The following KCNMB2 variants were observed in gnomAD, a reference collection of about 807,000 sequenced individuals.
KCNMB2 encodes calcium-activated potassium channel subunit beta-2.
A neutral mutation model predicts 24.5 loss-of-function variants in KCNMB2; 9 were observed. That is an observed-to-expected ratio of 0.37 (90% confidence interval 0.22 to 0.64). KCNMB2 has a LOEUF of 0.64. KCNMB2 is among the 30% of genes least tolerant of loss of function. The probability of loss-of-function intolerance (pLI) is 0.63; values close to 1 mark genes in which losing one functional copy is unlikely to be tolerated. For missense variants in KCNMB2, 226 were observed against 284.3 expected (o/e 0.79, Z 1.47); for synonymous variants, 109 against 104.4 (o/e 1.04, Z -0.27).
intron 1 of KCNMB2, among the ~76,000 whole-genome samples, chr3:178,732,196 T>C (rs940995988): frequency 2.0e-5 from 3 of 152,218 alleles, no homozygotes; most frequent in African/African-American, 7.2e-5. Context: ...TTATTAAAAT[T>C]TTTGTAAAAT....
intron 1 of KCNMB2, among the ~76,000 whole-genome samples, chr3:178,783,294 T>C (rs894208943): frequency 1.3e-5 from 2 of 149,248 alleles, no homozygotes; most frequent in African/African-American, 4.9e-5. Flanking sequence ...TGGTTCCATA[T>C]GAACTTTAAA....
chr3:178,799,822 AAG>A (rs1713707404), intron 1 of KCNMB2, among the ~76,000 whole-genome samples: 2 of 152,162 alleles, frequency 1.3e-5, no homozygotes, highest in Admixed American at 6.5e-5. Context: ...CTGGAAGAAA[AAG>A]AGACAAATAC....
At chr3:178,539,925 A>G (rs1486496045) in intron 1 of KCNMB2, among the ~76,000 whole-genome samples, 1 of 152,162 alleles carries the variant, frequency 6.6e-6, no homozygotes, top group African/African-American at 2.4e-5. Flanking sequence ...GAGTTCAATC[A>G]AGTGTCAAGC....
chr3:178,628,073 T>A (rs528186881), intron 1 of KCNMB2, among the ~76,000 whole-genome samples: 6 of 152,236 alleles, frequency 3.9e-5, no homozygotes, highest in African/African-American at 1.4e-4. Flanking sequence ...TTTTGCTTCA[T>A]ATTTTTAACA....
intron 1 of KCNMB2, among the ~76,000 whole-genome samples, chr3:178,614,287 A>ATATATATG (rs1718616392): frequency 5.4e-5 from 4 of 74,508 alleles, no homozygotes; most frequent in African/African-American, 1.8e-4. Context: ...ATATATATAT[A>ATATATATG]TATATATATG....
At chr3:178,820,704 T>C (rs1714590165) in intron 2 of KCNMB2, 1 of 152,652 alleles carries the variant, frequency 6.6e-6, no homozygotes. Context: ...AAAATTTTAC[T>C]AGGTTGACTA....
chr3:178,763,353 G>C (rs1217729405), intron 1 of KCNMB2, among the ~76,000 whole-genome samples: 1 of 152,074 alleles, frequency 6.6e-6, no homozygotes, highest in Non-Finnish European at 1.5e-5. Context: ...CAAAGATTGG[G>C]GTTCAGTCAG....
At chr3:178,785,889 A>T (rs1713082083) in intron 1 of KCNMB2, among the ~76,000 whole-genome samples, 1 of 152,168 alleles carries the variant, frequency 6.6e-6, no homozygotes, top group South Asian at 2.1e-4. Flanking sequence ...CTATTATTTT[A>T]ATTAATCTTC....
chr3:178,616,989 A>G (rs542129724), intron 1 of KCNMB2, among the ~76,000 whole-genome samples: 9 of 152,280 alleles, frequency 5.9e-5, no homozygotes, highest in Admixed American at 1.3e-4. Context: ...ACATCCATCT[A>G]TCTCACTGGG....
At chr3:178,634,822 G>A (rs950044696) in intron 1 of KCNMB2, among the ~76,000 whole-genome samples, 3 of 152,118 alleles carry the variant, frequency 2.0e-5, no homozygotes, top group Admixed American at 1.3e-4. Flanking sequence ...GACCCTGAAG[G>A]CCTCTATAAC....
chr3:178,685,555 T>C (rs1208018868), intron 1 of KCNMB2, among the ~76,000 whole-genome samples: 2 of 152,166 alleles, frequency 1.3e-5, no homozygotes, highest in African/African-American at 2.4e-5. Flanking sequence ...ACATCAACAG[T>C]GGTTCTGTTT....
At chr3:178,821,837 GTC>G (rs1347911446) in intron 2 of KCNMB2, among the ~76,000 whole-genome samples, 2 of 152,014 alleles carry the variant, frequency 1.3e-5, no homozygotes, top group Admixed American at 1.3e-4. Flanking sequence ...CTGAAGTTCT[GTC>G]TCATAGATAT....
In KCNMB2 at chr3:178,842,751, C is replaced by A. The variant is rs373420986; in HGVS notation, c.522C>A (p.Cys174Ter). ...ENFRKYQHFSCYSDPEGNQKS... is the reference protein window; with the variant it reads ...ENFRKYQHFS Reference sequence around the variant, plus strand: ...TCAGGAAGTATCAACACTTCTCCTGCTATTCTGACCCAGAAGGAAACCAGA... The same window carrying A: ...TCAGGAAGTATCAACACTTCTCCTGATATTCTGACCCAGAAGGAAACCAGA... The change falls in exon 5 of 5, where the codon TGC (cysteine) becomes TGA (stop). Residue 174 changes from cysteine to a stop codon, truncating the protein, a stop_gained. Transcript: ENST00000452583. LOFTEE classifies it high-confidence loss of function. 1 of 1,613,230 alleles carries A rather than the reference C, an allele frequency of 6.2e-7. No individual in the cohort carries two copies. Among genetic ancestry groups the A allele is most frequent in the Non-Finnish European group, 8.5e-7 (1 of 1,179,282 alleles).
chr3:178,832,317 T>C (rs9853436), intron 4 of KCNMB2, among the ~76,000 whole-genome samples: 32,832 of 76,112 alleles, frequency 0.43, 9,334 homozygotes, highest in African/African-American at 0.74. Context: ...CTCAGTCTAA[T>C]TGCTGCTTCT....
intron 1 of KCNMB2, among the ~76,000 whole-genome samples, chr3:178,803,396 T>A (rs1300832143): frequency 6.6e-6 from 1 of 151,564 alleles, no homozygotes; most frequent in Non-Finnish European, 1.5e-5. Context: ...AAGTAGAGAG[T>A]AAGAAGAATG....
intron 1 of KCNMB2, among the ~76,000 whole-genome samples, chr3:178,594,250 T>G (rs2108501873): frequency 6.6e-6 from 1 of 152,116 alleles, no homozygotes; most frequent in South Asian, 2.1e-4. Flanking sequence ...ATGATCTGTT[T>G]TGTATTTTAA....
intron 1 of KCNMB2, among the ~76,000 whole-genome samples, chr3:178,761,243 A>G (rs1019016271): frequency 6.6e-6 from 1 of 152,208 alleles, no homozygotes; most frequent in Non-Finnish European, 1.5e-5. Context: ...CCTCGTCTCT[A>G]TGATGTCAAT....
intron 1 of KCNMB2, among the ~76,000 whole-genome samples, chr3:178,771,952 T>C (rs1712385751): frequency 6.6e-6 from 1 of 152,108 alleles, no homozygotes; most frequent in African/African-American, 2.4e-5. Context: ...ATCCCTTACC[T>C]CCTTACCTCA....
chr3:178,695,618 C>T (rs1216256787), intron 1 of KCNMB2, among the ~76,000 whole-genome samples: 1 of 152,214 alleles, frequency 6.6e-6, no homozygotes, highest in Non-Finnish European at 1.5e-5. Context: ...AGTCTCTTTG[C>T]TAAAGCATAC....
Sources: gnomAD v4.1 joint callset for allele counts (sites outside exome capture counted in the v4.1 genomes callset) on GRCh38, gnomAD v4.1.1 for gene constraint, MANE v1.5 for transcripts, NCBI Gene and HGNC (gene_info 2026-07-23, HGNC 2026-07-21) for gene names.